DCDC1: variants seen among roughly 807,000 people sequenced by gnomAD.
DCDC1 encodes the protein doublecortin domain containing 1.
DCDC1 carries 200 observed loss-of-function variants against 178.3 expected under a neutral mutation model. The ratio of observed to expected loss-of-function variants is 1.12; its 90% CI spans 1.00 to 1.26. DCDC1 has a LOEUF of 1.26. Ranked by LOEUF, DCDC1 falls within the 50% of genes most tolerant of loss-of-function variation. The probability of loss-of-function intolerance (pLI) is 0.00; values close to 1 mark genes in which losing one functional copy is unlikely to be tolerated. For synonymous variants in DCDC1, 690 were observed against 604.8 expected, an observed-to-expected ratio of 1.14 and a Z score of -2.07; for missense variants, 1,983 against 1,749.2, an observed-to-expected ratio of 1.13 and a Z score of -2.38.
intron 20 of DCDC1, among the ~76,000 whole-genome samples, chr11:30,995,326 C>A (rs1951200718): frequency 6.6e-6 from 1 of 152,058 alleles, no homozygotes. Flanking sequence ...ATATTAATGA[C>A]AATTATTTCC....
intron 35 of DCDC1, among the ~76,000 whole-genome samples, chr11:30,893,618 C>T (rs542604101): frequency 5.9e-5 from 9 of 152,252 alleles, no homozygotes; most frequent in Non-Finnish European, 1.2e-4. Context: ...TTCTAGTAAC[C>T]TTGACTTGGG....
Position 30,899,523 on chromosome 11 carries a change from G to C in DCDC1, c.4765+18C>G. The C allele has an allele frequency of 6.9e-7, 1 of 1,449,220 alleles. No individual in the cohort carries two copies. The highest frequency in any genetic ancestry group is 9.2e-7 in the Non-Finnish European group (1 of 1,090,978). 89.8% of individuals were successfully genotyped at this position (1,449,220 alleles called of 1,614,324 possible). The stretch of plus-strand genomic sequence containing the variant: ...TTTTGAATTAAATATGGTTATGCTT[G>C]ATATAGTTCATACTGACCTTTTAAC... On this transcript the variant is annotated intron_variant, in intron 34 of 38. Coordinates refer to ENST00000684477, the MANE Select transcript of DCDC1 (RefSeq NM_001387274.1).
At chr11:30,960,914 C>A (rs1166885693) in intron 20 of DCDC1, among the ~76,000 whole-genome samples, 1 of 152,060 alleles carries the variant, frequency 6.6e-6, no homozygotes. Context: ...GTATCTACTT[C>A]CATGGATAGG....
chr11:31,263,583 A>G (rs1485022917), intron 8 of DCDC1, among the ~76,000 whole-genome samples: 3 of 152,212 alleles, frequency 2.0e-5, no homozygotes, highest in African/African-American at 7.2e-5. Flanking sequence ...GGCCAAGAAA[A>G]ACAAATTTAC....
At chr11:31,148,483 A>G (rs1964724436) in intron 9 of DCDC1, among the ~76,000 whole-genome samples, 1 of 152,036 alleles carries the variant, frequency 6.6e-6, no homozygotes, top group African/African-American at 2.4e-5. Context: ...TAGCCTGGAC[A>G]ACAGAGCAAG....
chr11:31,138,144 A>C (rs1445764085), intron 9 of DCDC1, among the ~76,000 whole-genome samples: 1 of 152,216 alleles, frequency 6.6e-6, no homozygotes, highest in African/African-American at 2.4e-5. Flanking sequence ...TTCATTATGC[A>C]TAGGGAGTAA....
chr11:31,094,179 A>T lies in DCDC1; in HGVS notation c.1989T>A (p.Asp663Glu). The change falls in exon 16 of 39, where the codon GAT (aspartate) becomes GAA (glutamate). Residue 663 changes from aspartate to glutamate, a missense_variant. Asp to Glu is a conservative substitution (Grantham distance 45). Transcript: ENST00000684477. ...CAGAGGCATGAAGGACAATATTGGG[A>T]TCTACCTGTATCATAAGAAGAAGTA... ...LENHFLQNKV[D>E]PNIVLHASVS... 1.3e-6 allele frequency: 1 copy of T among 766,112 alleles called. No individual in the cohort carries two copies. The allele number at this position is 766,112 out of a possible 1,614,324, so 47.5% of individuals were successfully genotyped here. A position where few individuals can be genotyped will look rare whatever the true frequency, so the allele number is the denominator to read the frequency against.
intron 18 of DCDC1, 72 bp downstream of exon 18, chr11:31,077,793 G>A (rs1244204478): frequency 8.2e-6 from 6 of 731,876 alleles, no homozygotes; most frequent in Non-Finnish European, 1.5e-5. Flanking sequence ...CTAAACAATA[G>A]ATAGTACCCT....
At chr11:31,176,476 T>C (rs1376341218) in intron 9 of DCDC1, among the ~76,000 whole-genome samples, 1 of 152,170 alleles carries the variant, frequency 6.6e-6, no homozygotes, top group East Asian at 1.9e-4. Context: ...AAAGAAAATC[T>C]ATTTAACAAA....
intron 9 of DCDC1, among the ~76,000 whole-genome samples, chr11:31,165,475 C>G (rs918200267): frequency 1.4e-4 from 21 of 152,166 alleles, no homozygotes; most frequent in Admixed American, 1.2e-3. Flanking sequence ...CCACGCTCAG[C>G]TAATTTTTTT....
intron 7 of DCDC1, among the ~76,000 whole-genome samples, chr11:31,287,898 A>T (rs970129786): frequency 1.3e-5 from 2 of 150,994 alleles, no homozygotes; most frequent in Non-Finnish European, 3.0e-5. Context: ...AGGGAGCAAG[A>T]GGACAGCGTT....
At chr11:31,275,441 C>T (rs1945909275) in intron 7 of DCDC1, among the ~76,000 whole-genome samples, 1 of 152,164 alleles carries the variant, frequency 6.6e-6, no homozygotes. Context: ...TAGGTATACA[C>T]TCTTTTCCCT....
At chr11:31,033,744 A>C (rs1953826987) in intron 20 of DCDC1, among the ~76,000 whole-genome samples, 1 of 152,200 alleles carries the variant, frequency 6.6e-6, no homozygotes, top group Non-Finnish European at 1.5e-5. Flanking sequence ...ATTGAGCTGA[A>C]AAATTCTTAT....
intron 9 of DCDC1, among the ~76,000 whole-genome samples, chr11:31,210,689 C>A (rs955505736): frequency 7.3e-6 from 1 of 137,500 alleles, no homozygotes; most frequent in Admixed American, 8.1e-5. Context: ...CCATCTTGGG[C>A]GACAGAGAGA....
At chr11:30,888,080 G>GAA (rs1565029364) in intron 36 of DCDC1, among the ~76,000 whole-genome samples, 3,858 of 99,532 alleles carry the variant, frequency 0.039, 231 homozygotes, top group Admixed American at 0.11. Flanking sequence ...GAGAGAGAGA[G>GAA]AGAGAAAGAA....
At chr11:31,179,972 G>A (rs544157250) in intron 9 of DCDC1, among the ~76,000 whole-genome samples, 196 of 152,192 alleles carry the variant, frequency 1.3e-3, no homozygotes, top group Non-Finnish European at 2.2e-3. Context: ...GGAATGCAAG[G>A]GTGATTCAAC....
At chr11:31,085,776 C>T (rs777480396) in intron 17 of DCDC1, among the ~76,000 whole-genome samples, 12 of 152,046 alleles carry the variant, frequency 7.9e-5, no homozygotes, top group South Asian at 2.1e-4. Context: ...GGTGCAATCA[C>T]GGCTCACTGC....
chr11:31,142,715 T>C (rs539803750), intron 9 of DCDC1, among the ~76,000 whole-genome samples: 5 of 152,212 alleles, frequency 3.3e-5, no homozygotes, highest in African/African-American at 9.6e-5. Flanking sequence ...TATAATCTTA[T>C]GTATTTGATC....
At chr11:31,214,609 T>C (rs1025426559) in intron 9 of DCDC1, among the ~76,000 whole-genome samples, 27 of 152,082 alleles carry the variant, frequency 1.8e-4, no homozygotes, top group African/African-American at 6.5e-4. Flanking sequence ...CAAGGATTGA[T>C]GAACAAGTAC....
Sources: allele counts gnomAD v4.1 joint callset (sites outside exome capture counted in the v4.1 genomes callset), GRCh38; gene constraint gnomAD v4.1.1; transcripts MANE v1.5; gene names NCBI Gene and HGNC (gene_info 2026-07-23, HGNC 2026-07-21).